The following CUL2 variants were observed in gnomAD, a reference collection of about 807,000 sequenced individuals.
CUL2 encodes cullin 2, also known as cullin-2.
A neutral mutation model predicts 110.2 loss-of-function variants in CUL2; 22 were observed. The observed-to-expected ratio is 0.20, with a 90% confidence interval of 0.14 to 0.28. The LOEUF (loss-of-function observed/expected upper bound fraction) is 0.28. Ranked by LOEUF, CUL2 falls within the 10% of genes least tolerant of loss-of-function variation. CUL2 has a pLI of 1.00. For missense variants in CUL2, 631 were observed against 905.5 expected, an observed-to-expected ratio of 0.70 and a Z score of 3.89; for synonymous variants, 279 against 293.2, an observed-to-expected ratio of 0.95 and a Z score of 0.49.
chr10:35,051,442 T>C (rs888210504), intron 5 of CUL2, among the ~76,000 whole-genome samples: 2 of 150,990 alleles, frequency 1.3e-5, no homozygotes, highest in Admixed American at 6.6e-5. Flanking sequence ...TGAAATCCCG[T>C]CTCTACTAAA....
intron 17 of CUL2, among the ~76,000 whole-genome samples, chr10:35,022,843 G>C (rs533034149): frequency 6.6e-6 from 1 of 152,046 alleles, no homozygotes; most frequent in African/African-American, 2.4e-5. Context: ...TCAGGCGTTC[G>C]AGACCAGCCT....
chr10:35,018,854 T>C (rs1378475383), intron 17 of CUL2, among the ~76,000 whole-genome samples: 1 of 152,026 alleles, frequency 6.6e-6, no homozygotes, highest in African/African-American at 2.4e-5. Flanking sequence ...ATTATTATCA[T>C]TTATGCCTTG....
intron 1 of CUL2, among the ~76,000 whole-genome samples, chr10:35,087,596 C>T (rs922748768): frequency 6.6e-6 from 1 of 152,134 alleles, no homozygotes; most frequent in Non-Finnish European, 1.5e-5. Context: ...GCCTGCTTCC[C>T]CCAACCTCTT....
At chr10:35,112,592 A>G (rs1012831530) in intron 1 of CUL2, among the ~76,000 whole-genome samples, 2 of 152,192 alleles carry the variant, frequency 1.3e-5, no homozygotes, top group Admixed American at 1.3e-4. Context: ...GAGTTTCCTC[A>G]AGTCTATGGC....
At chr10:35,025,514 T>G (rs1352217044) in intron 16 of CUL2, among the ~76,000 whole-genome samples, 6 of 152,242 alleles carry the variant, frequency 3.9e-5, no homozygotes, top group Non-Finnish European at 8.8e-5. Flanking sequence ...ACATGGACTT[T>G]ATAAATTCTA....
chr10:35,025,134 G>C lies in CUL2; in HGVS notation c.1682C>G (p.Thr561Arg). Residue 561 changes from threonine to arginine, a missense_variant and splice_region_variant, in exon 17 of 21, where the codon ACA becomes AGA. By Grantham distance (71) the Thr-to-Arg change is moderately conservative (BLOSUM62 -1). This residue lies in a region of CUL2 where 134 missense variants were observed against 260.4 expected (regional missense o/e 0.51). Transcript: ENST00000374749. ...RKLTWLHYLC[T>R]GEVKMNYLGK... is the part of the protein sequence containing the mutation. ...AGATATAATTAAATGCATTTTACCT[G>C]TACACAGATAATGTAACCATGTAAG... is the stretch of plus-strand genomic sequence containing the variant. 6.4e-7 allele frequency: 1 copy of C among 1,556,280 alleles called. No individual in the cohort carries two copies.
intron 1 of CUL2, among the ~76,000 whole-genome samples, chr10:35,087,580 A>C (rs949302323): frequency 6.6e-6 from 1 of 152,106 alleles, no homozygotes; most frequent in African/African-American, 2.4e-5. Flanking sequence ...CCCATCCCAT[A>C]CAACAGCCTG....
chr10:35,070,655 C>T (rs555886627), intron 2 of CUL2, among the ~76,000 whole-genome samples: 2 of 152,210 alleles, frequency 1.3e-5, no homozygotes, highest in African/African-American at 4.8e-5. Flanking sequence ...CACTTCCACC[C>T]CAGTCACTGA....
At chr10:35,065,198 A>G (rs1386480042) in intron 2 of CUL2, among the ~76,000 whole-genome samples, 2 of 152,204 alleles carry the variant, frequency 1.3e-5, no homozygotes, top group Non-Finnish European at 2.9e-5. Flanking sequence ...GAGATTTTCA[A>G]CCTCCAACAC....
In CUL2 at chr10:35,010,315, G is replaced by A. The variant is rs1398903832; in HGVS notation, c.2234C>T (p.Ala745Val). ...QASADEYSYVA is the reference protein window; with the variant it reads ...QASADEYSYVV ...CCACGCTGGAGGAGAGCGACATCAC[G>A]CGACGTAGCTGTATTCATCTGCCGA... Residue 745 changes from alanine to valine, a missense_variant, in exon 21 of 21, where the codon GCG becomes GTG. This residue lies in a region of CUL2 where 159 missense variants were observed against 202.7 expected (regional missense o/e 0.78). Transcript: ENST00000374749. 2 of 1,605,872 alleles carry A rather than the reference G, an allele frequency of 1.2e-6. No homozygotes were observed. Among genetic ancestry groups the A allele is most frequent in the Non-Finnish European group, 1.7e-6 (2 of 1,175,860 alleles).
chr10:35,120,680 T>C (rs1327272872), intron 1 of CUL2, among the ~76,000 whole-genome samples: 1 of 151,726 alleles, frequency 6.6e-6, no homozygotes, highest in African/African-American at 2.4e-5. Context: ...GCAGATTGCT[T>C]GAGCTCAGGA....
chr10:35,050,317 C>G (rs890075589), intron 5 of CUL2, among the ~76,000 whole-genome samples: 3 of 144,178 alleles, frequency 2.1e-5, no homozygotes, highest in African/African-American at 5.1e-5. Flanking sequence ...TGCGAGACTC[C>G]GTCTCAAAAA....
At chr10:35,117,792 G>A (rs1413780137) in intron 1 of CUL2, among the ~76,000 whole-genome samples, 1 of 152,166 alleles carries the variant, frequency 6.6e-6, no homozygotes, top group Non-Finnish European at 1.5e-5. Flanking sequence ...ACAGAAATAT[G>A]TGACCTTGAA....
intron 1 of CUL2, among the ~76,000 whole-genome samples, chr10:35,107,994 C>T (rs1227878619): frequency 6.6e-6 from 1 of 151,342 alleles, no homozygotes; most frequent in East Asian, 1.9e-4. Context: ...GCTAATGTGG[C>T]ACTTATCTGA....
chr10:35,016,926 C>CA (rs1427211253), intron 17 of CUL2, among the ~76,000 whole-genome samples: 2,252 of 59,944 alleles, frequency 0.038, 50 homozygotes, highest in East Asian at 0.071. Context: ...GACTCTGTCT[C>CA]AAAAAAAAAA....
Position 35,073,141 on chromosome 10 carries a change from G to A in CUL2, c.-22-1802C>T, listed in dbSNP as rs369920913. ...AGAGAAAAGCCAAATATCCAAAAGA[G>A]GGTATGCCTTGTTGAACCACATCCT... On this transcript the variant is annotated intron_variant, in intron 1 of 20. Transcript: ENST00000374749. Among the ~76,000 whole-genome samples the A allele has an allele frequency of 3.0e-4, 46 of 152,296 alleles. 1 individual carries two copies. In the South Asian group the frequency reaches 8.5e-3, roughly 28 times the overall value.
At chr10:35,034,366 TA>T (rs571622210) in intron 10 of CUL2, among the ~76,000 whole-genome samples, 27 of 151,994 alleles carry the variant, frequency 1.8e-4, no homozygotes, top group Non-Finnish European at 2.9e-4. Context: ...TTTGAAGAAA[TA>T]AAAAAATAGA....
Position 35,044,643 on chromosome 10 carries a change from T to C in CUL2, c.637A>G (p.Thr213Ala), listed in dbSNP as rs373007858. 5 of 1,610,254 alleles carry C rather than the reference T, an allele frequency of 3.1e-6. No individual in the cohort carries two copies. The African/African-American group carries it at 5.3e-5, about 17-fold the overall frequency. Residue 213 changes from threonine (T) to alanine (A), a missense_variant, in exon 8 of 21, where the codon ACT becomes GCT. Coordinates refer to ENST00000374749, the MANE Select transcript of CUL2 (RefSeq NM_003591.4). ...YQEIFESPFL[T>A]ETGEYYKQEA... is the part of the protein sequence containing the mutation. ...TGTTTGTAATACTCTCCTGTTTCAG[T>C]CAGAAAGGGAGACTCAAAAATTTCC... is the stretch of plus-strand genomic sequence containing the variant.
intron 20 of CUL2, among the ~76,000 whole-genome samples, chr10:35,011,474 C>G (rs574265754): frequency 1.3e-5 from 2 of 151,926 alleles, no homozygotes; most frequent in African/African-American, 4.8e-5. Flanking sequence ...AAAAATTAGC[C>G]AAGTATGGTG....
Sources: gnomAD v4.1 joint callset for allele counts (sites outside exome capture counted in the v4.1 genomes callset) on GRCh38, gnomAD v4.1.1 for gene constraint, gnomAD v4.1.1 regional missense constraint, MANE v1.5 for transcripts, NCBI Gene and HGNC (gene_info 2026-07-23, HGNC 2026-07-21) for gene names.